The following SMYD3 variants were observed in gnomAD, a reference collection of about 807,000 sequenced individuals.
SMYD3 encodes the protein SET and MYND domain containing 3.
In SMYD3, 36 loss-of-function variants were observed where a neutral mutation model predicts 57.7. The ratio of observed to expected loss-of-function variants is 0.62; its 90% confidence interval spans 0.48 to 0.82. The LOEUF (loss-of-function observed/expected upper bound fraction) is 0.82, where lower values mean the gene tolerates loss of function less well. Among genes scored for constraint, SMYD3 ranks in the 40% least tolerant of loss-of-function variants. SMYD3 has a pLI of 0.00. For missense variants in SMYD3, 515 were observed against 538.8 expected (o/e 0.96, Z 0.44); for synonymous variants, 211 against 195.0 (o/e 1.08, Z -0.68).
Position 246,106,260 on chromosome 1 carries a change from AG to A in SMYD3, c.532-176324del, listed in dbSNP as rs763246706. Among the ~76,000 whole-genome samples, 24 of 152,328 alleles carry A rather than the reference AG, an allele frequency of 1.6e-4. No homozygotes were observed. In the South Asian group the frequency reaches 1.9e-3, roughly 12 times the overall value. On this transcript the variant is annotated intron_variant, in intron 5 of 11. Transcript: ENST00000490107. ...TTGCAACAGGAGAATCCTCCTCAAA[AG>A]ACCACGACGGCAGCAGATAAAATCC...
At chr1:246,443,450 C>G (rs1171853096) in intron 1 of SMYD3, among the ~76,000 whole-genome samples, 1 of 152,180 alleles carries the variant, frequency 6.6e-6, no homozygotes, top group African/African-American at 2.4e-5. Flanking sequence ...AAGAAGCAGC[C>G]TCTCAGAAAA....
intron 5 of SMYD3, among the ~76,000 whole-genome samples, chr1:246,281,157 C>T (rs2064432066): frequency 6.6e-6 from 1 of 152,206 alleles, no homozygotes; most frequent in Admixed American, 6.5e-5. Flanking sequence ...TCTGAGAATT[C>T]AATTCTAGCA....
At chr1:246,498,064 G>A (rs1177225572) in intron 1 of SMYD3, among the ~76,000 whole-genome samples, 1 of 152,096 alleles carries the variant, frequency 6.6e-6, no homozygotes. Context: ...AAATTCAAAA[G>A]TTCAGGCTGC....
intron 5 of SMYD3, among the ~76,000 whole-genome samples, chr1:246,094,951 G>T (rs538469100): frequency 1.3e-5 from 2 of 151,904 alleles, no homozygotes; most frequent in African/African-American, 4.8e-5. Context: ...GAGTGTTTAC[G>T]GCAAGCCCCG....
At chr1:246,460,997 G>A (rs369175383) in intron 1 of SMYD3, among the ~76,000 whole-genome samples, 86 of 152,322 alleles carry the variant, frequency 5.6e-4, no homozygotes, top group African/African-American at 1.5e-3. Flanking sequence ...GCCATGACAA[G>A]TTAGCCTGAA....
intron 2 of SMYD3, among the ~76,000 whole-genome samples, chr1:246,347,021 C>A (rs1317891791): frequency 6.6e-6 from 1 of 151,868 alleles, no homozygotes; most frequent in Non-Finnish European, 1.5e-5. Context: ...AAAACACCAA[C>A]AAAAATAAAG....
chr1:246,327,442 A>G (rs771787739), intron 4 of SMYD3, 105 bp from the exon 5 acceptor site: 1 of 991,958 alleles, frequency 1.0e-6, no homozygotes, highest in Non-Finnish European at 1.5e-6. Flanking sequence ...CCTACCTTAC[A>G]TTGGATTTTG....
At chr1:246,198,540 C>T (rs1252083213) in intron 5 of SMYD3, among the ~76,000 whole-genome samples, 1 of 152,136 alleles carries the variant, frequency 6.6e-6, no homozygotes, top group Non-Finnish European at 1.5e-5. Context: ...TTAAAGTCTA[C>T]ATGTTAAAAG....
At chr1:246,163,829 C>T (rs142977243) in intron 5 of SMYD3, among the ~76,000 whole-genome samples, 215 of 152,292 alleles carry the variant, frequency 1.4e-3, no homozygotes, top group African/African-American at 5.1e-3. Flanking sequence ...GAGTGTGCTC[C>T]CTGCAGTGTT....
intron 8 of SMYD3, among the ~76,000 whole-genome samples, chr1:245,911,359 G>A (rs370028624): frequency 2.6e-5 from 4 of 151,962 alleles, no homozygotes; most frequent in African/African-American, 9.7e-5. Flanking sequence ...CAATCCAAAC[G>A]TTGGATATAG....
intron 5 of SMYD3, among the ~76,000 whole-genome samples, chr1:246,303,016 G>A (rs747792595): frequency 2.0e-5 from 3 of 152,088 alleles, no homozygotes; most frequent in Admixed American, 6.5e-5. Context: ...AGAGAATTGC[G>A]GATATACAGA....
intron 1 of SMYD3, among the ~76,000 whole-genome samples, chr1:246,426,729 T>C (rs1412133338): frequency 2.6e-5 from 4 of 152,222 alleles, no homozygotes; most frequent in Non-Finnish European, 5.9e-5. Flanking sequence ...TTTGTGGGAA[T>C]ATTCTTAGTG....
chr1:246,131,537 A>C (rs1264658798), intron 5 of SMYD3, among the ~76,000 whole-genome samples: 1 of 152,212 alleles, frequency 6.6e-6, no homozygotes, highest in Non-Finnish European at 1.5e-5. Context: ...CCGTTACTTC[A>C]TAGTCAACCC....
Position 246,355,107 on chromosome 1 carries a change from AAATT to A in SMYD3, c.165-17_165-14del. 1.9e-6 allele frequency: 3 copies of A among 1,613,784 alleles called. No homozygotes were observed. Among genetic ancestry groups the A allele is most frequent in the Non-Finnish European group, 2.5e-6 (3 of 1,179,700 alleles). On this transcript the variant is annotated splice_polypyrimidine_tract_variant and intron_variant, in intron 1 of 11. Transcript: ENST00000490107. The surrounding 1 kb of genome is among the most constrained non-coding windows in gnomAD (Gnocchi z 5.0). ...CAGCTTTTCCTTCCTGTGGGGAAAA[AAATT>A]AATTCTGCATTAAGAAATGAGTGGG...
intron 8 of SMYD3, among the ~76,000 whole-genome samples, chr1:245,913,942 T>C (rs1001768767): frequency 1.3e-5 from 2 of 152,184 alleles, no homozygotes; most frequent in Non-Finnish European, 2.9e-5. Flanking sequence ...GAATGACTAT[T>C]ATCAAAAAGA....
chr1:245,940,655 C>A (rs58571008), intron 5 of SMYD3, among the ~76,000 whole-genome samples: 17,734 of 151,654 alleles, frequency 0.12, 1,506 homozygotes, highest in East Asian at 0.51. Flanking sequence ...AAAACCCCAC[C>A]TAAAGGTCAA....
rs563816728 is a variant in SMYD3, at chr1:245,828,812, T to C, written c.1076+29684A>G. Among the ~76,000 whole-genome samples the C allele has an allele frequency of 3.9e-5, 6 of 152,130 alleles. No homozygotes were observed. In the South Asian group the frequency reaches 1.2e-3, roughly 32 times the overall value. On this transcript the variant is annotated intron_variant, in intron 10 of 11. Coordinates refer to ENST00000490107, the MANE Select transcript of SMYD3 (RefSeq NM_001167740.2). The stretch of plus-strand genomic sequence containing the variant: ...CCGCTTCCCGGGTTCAAGCATTTCT[T>C]GTGCCTCAGCCTCCCAAGTAACTGG...
intron 5 of SMYD3, among the ~76,000 whole-genome samples, chr1:245,956,768 T>G (rs1258597692): frequency 1.3e-5 from 2 of 152,238 alleles, no homozygotes; most frequent in African/African-American, 4.8e-5. Flanking sequence ...ATTTCCTTCC[T>G]TGCCTGCCAG....
At chr1:246,404,852 T>G (rs993915609) in intron 1 of SMYD3, among the ~76,000 whole-genome samples, 5 of 152,302 alleles carry the variant, frequency 3.3e-5, no homozygotes, top group South Asian at 2.1e-4. Context: ...AAACCTTTCT[T>G]TCATTACAGA....
Sources: allele counts gnomAD v4.1 joint callset (sites outside exome capture counted in the v4.1 genomes callset), GRCh38; gene constraint gnomAD v4.1.1; non-coding constraint Gnocchi (gnomAD v3.1); transcripts MANE v1.5; gene names NCBI Gene and HGNC (gene_info 2026-07-23, HGNC 2026-07-21).